Variants in ALKBH3 observed in about 807,000 individuals in gnomAD.
ALKBH3 encodes the protein alpha-ketoglutarate-dependent dioxygenase alkB homolog 3.
A neutral mutation model predicts 43.9 loss-of-function variants in ALKBH3; 51 were observed. The ratio of observed to expected loss-of-function variants is 1.16; its 90% CI spans 0.93 to 1.47. The LOEUF (loss-of-function observed/expected upper bound fraction) is 1.47. Ranked by LOEUF, ALKBH3 falls within the 40% of genes most tolerant of loss-of-function variation. The probability of loss-of-function intolerance (pLI) is 0.00; values close to 1 mark genes in which losing one functional copy is unlikely to be tolerated. For missense variants in ALKBH3, 361 were observed against 351.9 expected (o/e 1.03, Z -0.21); for synonymous variants, 102 against 115.2 (o/e 0.89, Z 0.73).
chr11:43,895,224 C>A (rs1055188293), intron 7 of ALKBH3, among the ~76,000 whole-genome samples: 3 of 152,142 alleles, frequency 2.0e-5, no homozygotes, highest in African/African-American at 7.2e-5. Context: ...TATGGTTTGG[C>A]TGTGTCCCCA....
Position 43,919,056 on chromosome 11 carries a change from A to G in ALKBH3, c.688A>G (p.Thr230Ala), listed in dbSNP as rs1437733018. 1.2e-6 allele frequency: 2 copies of G among 1,609,928 alleles called. No individual in the cohort carries two copies. Among genetic ancestry groups the G allele is most frequent in the South Asian group, 1.1e-5 (1 of 90,988 alleles). ...TTTCTAGGAAGAGAATGGAGACTAC[A>G]CATATGTGGAAAGAGTGAAGATACC... ...KPPPEENGDY[T>A]YVERVKIPLD... Residue 230 changes from threonine (T) to alanine (A), a missense_variant, in exon 9 of 10, where the codon ACA (threonine) becomes GCA (alanine). Thr to Ala is a moderately conservative substitution (Grantham distance 58). Transcript: ENST00000302708.
At chr11:43,899,145 C>A in intron 7 of ALKBH3, 2 of 781,326 alleles carry the variant, frequency 2.6e-6, no homozygotes, top group Non-Finnish European at 4.7e-6. Flanking sequence ...GCCACAGCCA[C>A]CCAAAAAGGA....
At chr11:43,904,816 A>C (rs1377615813) in intron 8 of ALKBH3, among the ~76,000 whole-genome samples, 1 of 152,244 alleles carries the variant, frequency 6.6e-6, no homozygotes, top group Non-Finnish European at 1.5e-5. Flanking sequence ...AAGGTAAAGC[A>C]TAATTTAAAA....
chr11:43,893,578 C>T (rs1319372433), intron 7 of ALKBH3, among the ~76,000 whole-genome samples: 1 of 151,988 alleles, frequency 6.6e-6, no homozygotes, highest in Admixed American at 6.5e-5. Context: ...AATTCTACCC[C>T]ATGTTTTGGT....
intron 7 of ALKBH3, among the ~76,000 whole-genome samples, chr11:43,900,212 T>A: frequency 7.9e-6 from 1 of 125,810 alleles, no homozygotes; most frequent in South Asian, 3.1e-4. Context: ...TTATTTTAAT[T>A]TAATTTTTTT....
intron 4 of ALKBH3, among the ~76,000 whole-genome samples, chr11:43,885,062 T>C (rs900455411): frequency 1.3e-5 from 2 of 152,178 alleles, no homozygotes; most frequent in Admixed American, 1.3e-4. Flanking sequence ...GGCCTTTGGT[T>C]GTTTTAAAAA....
chr11:43,882,984 A>G (rs1951722131), intron 2 of ALKBH3, 101 bp from the exon 3 acceptor site: 6 of 963,302 alleles, frequency 6.2e-6, no homozygotes, highest in Admixed American at 2.5e-5. Flanking sequence ...TCTACATGTC[A>G]TAGAGATCAT....
chr11:43,904,405 G>A lies in ALKBH3; in HGVS notation c.669+2680G>A, dbSNP rs932131470. On this transcript the variant is annotated intron_variant, in intron 8 of 9. Coordinates refer to ENST00000302708, the MANE Select transcript of ALKBH3 (RefSeq NM_139178.4). ...TATGATTGAATTTCATGCAGTTTTTGTATATCATCTCAATTCTGGCTTTTG... is the reference window on the plus strand; with the variant it reads ...TATGATTGAATTTCATGCAGTTTTTATATATCATCTCAATTCTGGCTTTTG... 2.0e-5 allele frequency among the ~76,000 whole-genome samples: 3 copies of A among 152,194 alleles called. No individual in the cohort carries two copies. In the South Asian group the frequency reaches 6.2e-4, roughly 32 times the overall value.
chr11:43,919,214 C>T, intron 9 of ALKBH3, 78 bp downstream of exon 9: 5 of 1,280,706 alleles, frequency 3.9e-6, no homozygotes, highest in Non-Finnish European at 5.6e-6. Context: ...TCTAAGTAGA[C>T]ATGGTGAAAA....
chr11:43,903,640 G>T (rs1951877516), intron 8 of ALKBH3, among the ~76,000 whole-genome samples: 1 of 152,074 alleles, frequency 6.6e-6, no homozygotes, highest in African/African-American at 2.4e-5. Context: ...ATAGCCTTTG[G>T]TATAATAATG....
At chr11:43,919,660 T>C (rs1175853874) in intron 9 of ALKBH3, 5 of 395,504 alleles carry the variant, frequency 1.3e-5, no homozygotes, top group Non-Finnish European at 2.3e-5. Flanking sequence ...AAATGGCAGG[T>C]GTCTGAGAGG....
Position 43,901,517 on chromosome 11 carries a change from G to T in ALKBH3, c.461G>T (p.Trp154Leu), listed in dbSNP as rs776382218. 7 of 1,613,254 alleles carry T rather than the reference G, an allele frequency of 4.3e-6. No homozygotes were observed. In the South Asian group the frequency reaches 6.6e-5, roughly 15 times the overall value. Reference protein sequence around the residue: ...SRITMEPNPHWHPVLRTLKNR... With the variant: ...SRITMEPNPHLHPVLRTLKNR... ...CTTTTCTTGGTCTGTGGATTGCAGT[G>T]GCACCCTGTGCTGCGCACACTAAAG... Residue 154 changes from tryptophan (W) to leucine (L), a missense_variant and splice_region_variant, in exon 8 of 10, where the codon TGG (tryptophan) becomes TTG (leucine). Coordinates refer to ENST00000302708, the MANE Select transcript of ALKBH3 (RefSeq NM_139178.4).
intron 7 of ALKBH3, among the ~76,000 whole-genome samples, chr11:43,896,340 C>T (rs973434083): frequency 6.6e-6 from 1 of 151,906 alleles, no homozygotes; most frequent in Non-Finnish European, 1.5e-5. Context: ...ATTAATTACA[C>T]AATCACAAGA....
Position 43,881,180 on chromosome 11 carries a change from G to A in ALKBH3, c.-71+1G>A, listed in dbSNP as rs1276302052. 1 of 152,330 alleles carries A rather than the reference G, an allele frequency of 6.6e-6. No homozygotes were observed. The highest frequency in any genetic ancestry group is 2.4e-5 in the African/African-American group (1 of 41,470). 9.4% of individuals were successfully genotyped at this position (152,330 alleles called of 1,614,324 possible). A position where few individuals can be genotyped will look rare whatever the true frequency, so the allele number is the denominator to read the frequency against. On this transcript the variant is annotated splice_donor_variant, in intron 1 of 9. Coordinates refer to ENST00000302708, the MANE Select transcript of ALKBH3 (RefSeq NM_139178.4). LOFTEE classifies it low-confidence loss of function (5UTR_SPLICE). ...TGAGGAAAAACTGGGGCTCAGAAAGGTGAAGTCATTTGCCATGGGCCATGC... is the reference window on the plus strand; with the variant it reads ...TGAGGAAAAACTGGGGCTCAGAAAGATGAAGTCATTTGCCATGGGCCATGC...
chr11:43,886,833 A>G (rs1951749973), intron 5 of ALKBH3, among the ~76,000 whole-genome samples, 180 bp downstream of exon 5: 1 of 152,216 alleles, frequency 6.6e-6, no homozygotes, highest in African/African-American at 2.4e-5. Flanking sequence ...GATCTTTATC[A>G]TCAGCAAACT....
intron 8 of ALKBH3, among the ~76,000 whole-genome samples, chr11:43,902,848 C>T (rs767529138): frequency 2.0e-5 from 3 of 152,194 alleles, no homozygotes; most frequent in Non-Finnish European, 4.4e-5. Context: ...TCGCCCACCT[C>T]GGCCTCCCAA....
chr11:43,898,686 G>A (rs1951838603), intron 7 of ALKBH3: 1 of 716,422 alleles, frequency 1.4e-6, no homozygotes, highest in Admixed American at 1.9e-5. Flanking sequence ...GGATCATCGA[G>A]GTGGTGAAGG....
At chr11:43,894,807 G>A (rs1951807023) in intron 7 of ALKBH3, among the ~76,000 whole-genome samples, 1 of 152,144 alleles carries the variant, frequency 6.6e-6, no homozygotes, top group Admixed American at 6.5e-5. Context: ...TTTCACTTTG[G>A]AATTTATTCT....
intron 2 of ALKBH3, 119 bp from the exon 3 acceptor site, chr11:43,882,966 A>G: frequency 3.4e-6 from 3 of 870,386 alleles, no homozygotes; most frequent in South Asian, 3.5e-5. Context: ...TGACTTTACC[A>G]GTTAGTTTCT....
Sources: allele counts gnomAD v4.1 joint callset (sites outside exome capture counted in the v4.1 genomes callset), GRCh38; gene constraint gnomAD v4.1.1; transcripts MANE v1.5; gene names NCBI Gene and HGNC (gene_info 2026-07-23, HGNC 2026-07-21).